The following BAIAP2 variants were observed in gnomAD, a reference collection of about 807,000 sequenced individuals.
The protein encoded by BAIAP2 is BAR/IMD domain-containing adapter protein 2.
BAIAP2 carries 18 observed loss-of-function variants against 63.0 expected under a neutral mutation model. The ratio of observed to expected loss-of-function variants is 0.29; its 90% CI spans 0.20 to 0.42. The LOEUF (loss-of-function observed/expected upper bound fraction) is 0.42. Among genes scored for constraint, BAIAP2 ranks in the 10% least tolerant of loss-of-function variants. The pLI is 1.00. For missense variants in BAIAP2, 610 were observed against 734.3 expected (o/e 0.83, Z 1.96); for synonymous variants, 386 against 307.6 (o/e 1.25, Z -2.67).
intron 1 of BAIAP2, among the ~76,000 whole-genome samples, chr17:81,044,036 G>A (rs937445675): frequency 4.6e-5 from 7 of 152,206 alleles, no homozygotes; most frequent in Non-Finnish European, 1.0e-4. Context: ...GGAAAGCCCC[G>A]CCCCGAAGCT....
At chr17:81,057,576 C>G in intron 2 of BAIAP2, 1 of 1,060,752 alleles carries the variant, frequency 9.4e-7, no homozygotes, top group Non-Finnish European at 1.2e-6. Context: ...TCCCTCCCCC[C>G]GGCCCTGCCT....
In BAIAP2 at chr17:81,115,942, C is replaced by A; in HGVS notation, c.*103C>A. On this transcript the variant is annotated 3_prime_UTR_variant, in exon 14 of 14. Coordinates refer to ENST00000428708, the MANE Select transcript of BAIAP2 (RefSeq NM_001144888.2). ...GTTCCTGTGTAGAGAACATCCAGGCCCCGGCTGCCTGGTCTTGCCCCACTT... is the reference window on the plus strand; with the variant it reads ...GTTCCTGTGTAGAGAACATCCAGGCACCGGCTGCCTGGTCTTGCCCCACTT... 2 of 1,548,726 alleles carry A rather than the reference C, an allele frequency of 1.3e-6. No homozygotes were observed. The highest frequency in any genetic ancestry group is 1.7e-6 in the Non-Finnish European group (2 of 1,147,638).
In BAIAP2 at chr17:81,036,580, G is replaced by A. The variant is rs1024922755; in HGVS notation, c.54+1272G>A. On this transcript the variant is annotated intron_variant, in intron 1 of 13. Coordinates refer to ENST00000428708, the MANE Select transcript of BAIAP2 (RefSeq NM_001144888.2). Reference sequence around the variant, plus strand: ...TTGAATACAGCTTTCAATAAAGCTTGTGAAGTTGGGGCCGCGTCAGTCTGG... The same window carrying A: ...TTGAATACAGCTTTCAATAAAGCTTATGAAGTTGGGGCCGCGTCAGTCTGG... Among the ~76,000 whole-genome samples the A allele has an allele frequency of 1.7e-4, 26 of 152,244 alleles. 1 individual carries two copies. Among genetic ancestry groups the A allele is most frequent in the Non-Finnish European group, 4.4e-5 (3 of 68,034 alleles).
intron 3 of BAIAP2, among the ~76,000 whole-genome samples, chr17:81,070,129 C>G (rs1190774281): frequency 6.6e-6 from 1 of 152,154 alleles, no homozygotes. Flanking sequence ...TGTATACTTT[C>G]TAAACTTTTT....
chr17:81,073,343 G>A lies in BAIAP2; in HGVS notation c.218-11489G>A, dbSNP rs894941139. On this transcript the variant is annotated intron_variant, in intron 3 of 13. Coordinates refer to ENST00000428708, the MANE Select transcript of BAIAP2 (RefSeq NM_001144888.2). ...TCTTGGTTTGTAGGAGTACCAGGCC[G>A]GGGTGGGGAGGTGGAGGCTGTGCTG... Among the ~76,000 whole-genome samples, 6 of 152,180 alleles carry A rather than the reference G, an allele frequency of 3.9e-5. No homozygotes were observed. In the South Asian group the frequency reaches 6.2e-4, roughly 16 times the overall value.
chr17:81,112,322 G>A (rs1423325584), intron 13 of BAIAP2, among the ~76,000 whole-genome samples: 1 of 152,208 alleles, frequency 6.6e-6, no homozygotes, highest in Non-Finnish European at 1.5e-5. Context: ...TGGGGCAGTG[G>A]TGCTCAGCCC....
At chr17:81,103,784 G>GGC (rs1262574761) in intron 8 of BAIAP2, 61 bp downstream of exon 8, 1 of 1,578,826 alleles carries the variant, frequency 6.3e-7, no homozygotes, top group Admixed American at 1.7e-5. Flanking sequence ...TTGTTGTCAG[G>GGC]GCGGGGGGCC....
At chr17:81,098,727 T>C (rs1033511021) in intron 6 of BAIAP2, among the ~76,000 whole-genome samples, 6 of 152,134 alleles carry the variant, frequency 3.9e-5, no homozygotes, top group Admixed American at 2.0e-4. Context: ...GGGCCGACTG[T>C]GTGTCCACCA....
intron 13 of BAIAP2, chr17:81,110,153 C>T: frequency 1.0e-6 from 1 of 985,674 alleles, no homozygotes; most frequent in African/African-American, 1.7e-5. Flanking sequence ...TGCGGCGCTC[C>T]TTTATCTGAT....
intron 13 of BAIAP2, chr17:81,109,780 A>G (rs1005958841): frequency 4.1e-6 from 4 of 985,430 alleles, no homozygotes; most frequent in Non-Finnish European, 3.6e-6. Context: ...CTGGCCGCAC[A>G]CGGACATTCC....
chr17:81,071,757 G>T (rs35663354), intron 3 of BAIAP2, among the ~76,000 whole-genome samples: 67,564 of 152,104 alleles, frequency 0.44, 16,965 homozygotes, highest in East Asian at 0.72. Context: ...GCACCATCCC[G>T]CACCGCCACG....
intron 3 of BAIAP2, among the ~76,000 whole-genome samples, chr17:81,080,565 T>A (rs72854109): frequency 0.01 from 1,527 of 151,128 alleles, 15 homozygotes; most frequent in Non-Finnish European, 0.015. Context: ...AAGCTCCACA[T>A]ACTCTTTTTC....
intron 5 of BAIAP2, among the ~76,000 whole-genome samples, 172 bp downstream of exon 5, chr17:81,085,897 C>T (rs2055533685): frequency 6.6e-6 from 1 of 152,240 alleles, no homozygotes; most frequent in African/African-American, 2.4e-5. Context: ...CCTGGTGTGC[C>T]CCAAATGCAA....
At chr17:81,114,146 T>C (rs1365945215) in intron 13 of BAIAP2, among the ~76,000 whole-genome samples, 4 of 149,818 alleles carry the variant, frequency 2.7e-5, no homozygotes, top group African/African-American at 9.8e-5. Flanking sequence ...ATTTTTTTTT[T>C]TTTTTTTTTG....
chr17:81,092,823 C>G (rs964263265), intron 6 of BAIAP2, among the ~76,000 whole-genome samples: 1 of 152,156 alleles, frequency 6.6e-6, no homozygotes, highest in African/African-American at 2.4e-5. Context: ...ACGCGGGGCA[C>G]GGTGGACATG....
Position 81,084,884 on chromosome 17 carries a change from G to A in BAIAP2, c.270G>A (p.Leu90=). The change falls in exon 4 of 14, where the codon CTG becomes CTA. Residue 90 remains leucine, a synonymous_variant. Coordinates refer to ENST00000428708, the MANE Select transcript of BAIAP2 (RefSeq NM_001144888.2). ...AEVHRQIQNQ[L]EEMLKSFHNE... is the part of the protein sequence containing the mutation. ...TCCACAGGCAGATCCAGAATCAGCT[G>A]GAAGAAATGGTGAGTCCACCCCCAG... 1.2e-6 allele frequency: 2 copies of A among 1,613,786 alleles called. No homozygotes were observed. Among genetic ancestry groups the A allele is most frequent in the East Asian group, 2.2e-5 (1 of 44,886 alleles).
In BAIAP2 at chr17:81,035,188, TTACCGCCGC is replaced by T. The variant is rs1326704396; in HGVS notation, c.-65_-57del. 3 of 1,338,374 alleles carry T rather than the reference TTACCGCCGC, an allele frequency of 2.2e-6. No individual in the cohort carries two copies. The African/African-American group carries it at 4.6e-5, about 21-fold the overall frequency. The allele number at this position is 1,338,374 out of a possible 1,614,324, so 82.9% of individuals were successfully genotyped here. ...CGCTTTCGTCTCCGTCCTGCTGCCG[TTACCGCCGC>T]TGCTGCCGCCGCTTGCGTCCCCCGC... On this transcript the variant is annotated 5_prime_UTR_variant, in exon 1 of 14. Transcript: ENST00000428708.
chr17:81,109,732 C>T, intron 13 of BAIAP2: 1 of 985,462 alleles, frequency 1.0e-6, no homozygotes, highest in Non-Finnish European at 1.2e-6. Context: ...TCCCGTCGGG[C>T]ACTGGCGGGA....
intron 6 of BAIAP2, chr17:81,087,022 G>A: frequency 1.1e-5 from 2 of 181,036 alleles, no homozygotes; most frequent in Non-Finnish European, 2.4e-5. Flanking sequence ...CGGCGTCACC[G>A]GTGCTGCGTG....
Sources: allele counts gnomAD v4.1 joint callset (sites outside exome capture counted in the v4.1 genomes callset), GRCh38; gene constraint gnomAD v4.1.1; transcripts MANE v1.5; gene names NCBI Gene and HGNC (gene_info 2026-07-23, HGNC 2026-07-21).